The following KIAA0040 variants were observed in gnomAD, a reference collection of about 807,000 sequenced individuals.
KIAA0040 encodes KIAA0040, also known as uncharacterized protein KIAA0040.
Under a neutral mutation model 7.2 loss-of-function variants are expected in KIAA0040, and 10 were observed. The observed-to-expected ratio is 1.38, with a 90% confidence interval of 0.85 to 2.34. The LOEUF is 2.34. KIAA0040 is among the 30% of genes most tolerant of loss of function. The pLI is 0.00. For missense variants in KIAA0040, 89 were observed against 108.2 expected (o/e 0.82, Z 0.79); for synonymous variants, 49 against 40.1 (o/e 1.22, Z -0.84).
At position 175,179,368 on chromosome 1, in the gene KIAA0040, C is replaced by T. The variant is rs939905795; in HGVS notation, c.-383-1684G>A. On this transcript the variant is annotated intron_variant, in intron 1 of 3. Coordinates refer to ENST00000423313, the MANE Select transcript of KIAA0040 (RefSeq NM_014656.3). ...ATGGAAAGTACACCCTACCAGAGCT[C>T]GGGATTACGCAGGATTAAGCTCCCA... 5.3e-4 allele frequency among the ~76,000 whole-genome samples: 81 copies of T among 152,060 alleles called. 1 individual carries two copies. Among genetic ancestry groups the T allele is most frequent in the East Asian group, 1.9e-4 (1 of 5,196 alleles).
In KIAA0040 at chr1:175,159,528, C is replaced by G. The variant is rs964878139; in HGVS notation, c.*1186G>C. ...GAGCTTCAATATAAATATAAATAAA[C>G]CTCTTTATAGCTTCATCCTACTTTC... On this transcript the variant is annotated 3_prime_UTR_variant, in exon 4 of 4. Transcript: ENST00000423313. The G allele has an allele frequency of 6.6e-6, 1 of 152,268 alleles. No individual in the cohort carries two copies. The highest frequency in any genetic ancestry group is 1.5e-5 in the Non-Finnish European group (1 of 68,060). The allele number at this position is 152,268 out of a possible 1,614,324, so 9.4% of individuals were successfully genotyped here. A position where few individuals can be genotyped will look rare whatever the true frequency, so the allele number is the denominator to read the frequency against.
intron 2 of KIAA0040, among the ~76,000 whole-genome samples, chr1:175,167,827 C>T (rs1305368769): frequency 6.6e-6 from 1 of 152,038 alleles, no homozygotes; most frequent in Non-Finnish European, 1.5e-5. Context: ...GTGTGCCCAA[C>T]TTTCCTTCTT....
chr1:175,160,837 G>A lies in KIAA0040; in HGVS notation c.177C>T (p.Gly59=). The A allele has an allele frequency of 6.4e-7, 1 of 1,550,988 alleles. No individual in the cohort carries two copies. ...TCTTCTTGTTCTTCTCTGGCTGCTG[G>A]CCCCTCTTGCCTGGTGGGCTCCAGC... The part of the protein sequence containing the change: ...HCCWSPPGKR[G]QQPEKNKKKK... Residue 59 remains glycine (G), a synonymous_variant, in exon 4 of 4, where the codon GGC becomes GGT. Coordinates refer to ENST00000423313, the MANE Select transcript of KIAA0040 (RefSeq NM_014656.3).
intron 1 of KIAA0040, among the ~76,000 whole-genome samples, chr1:175,187,519 T>C (rs1677708194): frequency 6.6e-6 from 1 of 152,202 alleles, no homozygotes; most frequent in Non-Finnish European, 1.5e-5. Context: ...CATGAGCAGA[T>C]GGATGCACAT....
In KIAA0040 at chr1:175,156,994, T is replaced by C. The variant is rs917708527; in HGVS notation, c.*3720A>G. 2 of 149,106 alleles carry C rather than the reference T, an allele frequency of 1.3e-5. No homozygotes were observed. Among genetic ancestry groups the C allele is most frequent in the Non-Finnish European group, 3.0e-5 (2 of 67,588 alleles). 9.2% of individuals were successfully genotyped at this position (149,106 alleles called of 1,614,324 possible). On this transcript the variant is annotated 3_prime_UTR_variant, in exon 4 of 4. Transcript: ENST00000423313. ...AATATGGCAGACATAGCTGAGCTAG[T>C]ATACCTTTAATTTTATTTCATTGCA...
At chr1:175,185,202 A>G (rs527698493) in intron 1 of KIAA0040, among the ~76,000 whole-genome samples, 2 of 152,350 alleles carry the variant, frequency 1.3e-5, no homozygotes, top group Admixed American at 6.5e-5. Flanking sequence ...TCTGAAAAAA[A>G]AAATCTGAAA....
chr1:175,161,932 T>G (rs1418456309), intron 3 of KIAA0040, among the ~76,000 whole-genome samples: 1 of 152,232 alleles, frequency 6.6e-6, no homozygotes, highest in Non-Finnish European at 1.5e-5. Context: ...TCTCCTGCTC[T>G]CTTTCTTCTC....
chr1:175,179,172 G>A (rs554889875), intron 1 of KIAA0040, among the ~76,000 whole-genome samples: 3 of 152,288 alleles, frequency 2.0e-5, no homozygotes, highest in African/African-American at 7.2e-5. Context: ...TTCTAAGGAA[G>A]AGTGGGAACT....
rs1379467141 is a variant in KIAA0040 at position 175,160,515 on chromosome 1, A to G, written c.*199T>C. The G allele has an allele frequency of 3.4e-6, 2 of 593,788 alleles. No homozygotes were observed. Among genetic ancestry groups the G allele is most frequent in the African/African-American group, 1.9e-5 (1 of 53,692 alleles). The allele number at this position is 593,788 out of a possible 1,614,324, so 36.8% of individuals were successfully genotyped here. On this transcript the variant is annotated 3_prime_UTR_variant, in exon 4 of 4. Coordinates refer to ENST00000423313, the MANE Select transcript of KIAA0040 (RefSeq NM_014656.3). ...CATTGCTATTGGACACATAGCTGCC[A>G]AGACAGTATCCAAGAATTGTCCACG...
intron 2 of KIAA0040, among the ~76,000 whole-genome samples, chr1:175,170,607 C>A (rs1037764132): frequency 6.6e-6 from 1 of 152,138 alleles, no homozygotes; most frequent in Non-Finnish European, 1.5e-5. Context: ...AACACTCGGA[C>A]TAAGCTTCTC....
At chr1:175,161,991 C>A (rs1449633260) in intron 3 of KIAA0040, among the ~76,000 whole-genome samples, 1 of 152,122 alleles carries the variant, frequency 6.6e-6, no homozygotes, top group Non-Finnish European at 1.5e-5. Flanking sequence ...GCTTGGAAAC[C>A]AGAGTGAGGT....
At chr1:175,191,081 G>A (rs185377331) in intron 1 of KIAA0040, among the ~76,000 whole-genome samples, 121 of 152,274 alleles carry the variant, frequency 7.9e-4, no homozygotes, top group African/African-American at 2.7e-3. Context: ...CTATTACAAT[G>A]TATATTATCC....
chr1:175,176,699 T>TTTTTTTC (rs1677211621), intron 2 of KIAA0040, among the ~76,000 whole-genome samples: 1 of 137,476 alleles, frequency 7.3e-6, no homozygotes, highest in African/African-American at 3.0e-5. Context: ...TTTTTTTTTT[T>TTTTTTTC]TGCTTCAGCA....
intron 1 of KIAA0040, among the ~76,000 whole-genome samples, chr1:175,181,785 A>C (rs961204028): frequency 6.6e-6 from 1 of 152,180 alleles, no homozygotes; most frequent in African/African-American, 2.4e-5. Flanking sequence ...GGCACCTGCA[A>C]GGTGCATAGA....
chr1:175,169,435 T>C (rs913101475), intron 2 of KIAA0040, among the ~76,000 whole-genome samples: 4 of 152,186 alleles, frequency 2.6e-5, no homozygotes, highest in African/African-American at 7.2e-5. Flanking sequence ...AATAACAGGA[T>C]GTGAGAATGA....
At chr1:175,191,876 G>A (rs1677881315) in intron 1 of KIAA0040, among the ~76,000 whole-genome samples, 1 of 152,188 alleles carries the variant, frequency 6.6e-6, no homozygotes, top group Non-Finnish European at 1.5e-5. Context: ...TGGCATGCTG[G>A]CTGCCGGTGT....
intron 1 of KIAA0040, among the ~76,000 whole-genome samples, chr1:175,184,828 C>T (rs1296776580): frequency 6.6e-6 from 1 of 152,170 alleles, no homozygotes; most frequent in African/African-American, 2.4e-5. Context: ...ATCTCTGTGT[C>T]CCTGTCATGA....
upstream of KIAA0040, chr1:175,192,863 C>A (rs1677932406): frequency 6.6e-6 from 1 of 150,582 alleles, no homozygotes; most frequent in South Asian, 2.0e-4. Flanking sequence ...CGCGTACCTG[C>A]CGCTGCCGCC....
At chr1:175,187,527 C>A (rs191623594) in intron 1 of KIAA0040, among the ~76,000 whole-genome samples, 8 of 152,308 alleles carry the variant, frequency 5.3e-5, no homozygotes, top group Admixed American at 4.6e-4. Flanking sequence ...GATGGATGCA[C>A]ATTTAATATC....
Sources: allele counts gnomAD v4.1 joint callset (sites outside exome capture counted in the v4.1 genomes callset), GRCh38; gene constraint gnomAD v4.1.1; transcripts MANE v1.5; gene names NCBI Gene and HGNC (gene_info 2026-07-23, HGNC 2026-07-21).